The following COG5 variants were observed in gnomAD, a reference collection of about 807,000 sequenced individuals.
COG5 encodes the protein conserved oligomeric Golgi complex subunit 5.
Under a neutral mutation model 110.4 loss-of-function variants are expected in COG5, and 86 were observed. That is an observed-to-expected ratio of 0.78 (90% confidence interval 0.65 to 0.93). The LOEUF (loss-of-function observed/expected upper bound fraction) is 0.93. COG5 is among the 40% of genes least tolerant of loss of function. The pLI is 0.00. For synonymous variants in COG5, 360 were observed against 334.6 expected (o/e 1.08, Z -0.83); for missense variants, 1,077 against 987.0 (o/e 1.09, Z -1.22).
chr7:107,377,288 T>A (rs1814719942), intron 7 of COG5, among the ~76,000 whole-genome samples: 1 of 152,192 alleles, frequency 6.6e-6, no homozygotes, highest in South Asian at 2.1e-4. Context: ...CTTTTCCTAG[T>A]GTCATTTTTG....
intron 2 of COG5, among the ~76,000 whole-genome samples, chr7:107,555,302 G>A (rs2712189): frequency 0.28 from 42,419 of 152,060 alleles, 5,951 homozygotes; most frequent in East Asian, 0.33. Context: ...TTAGAATAAT[G>A]CAGGAATCCT....
chr7:107,480,524 C>G (rs1053118636), intron 6 of COG5, among the ~76,000 whole-genome samples: 1 of 151,894 alleles, frequency 6.6e-6, no homozygotes, highest in Non-Finnish European at 1.5e-5. Context: ...TAAAAGAACC[C>G]AGATGAGGCT....
chr7:107,442,464 G>T (rs1286552676), intron 6 of COG5, among the ~76,000 whole-genome samples: 1 of 150,450 alleles, frequency 6.6e-6, no homozygotes, highest in Non-Finnish European at 1.5e-5. Context: ...GGCTGTATGT[G>T]TCAGGAGTAA....
At chr7:107,340,921 C>A (rs534716421) in intron 10 of COG5, among the ~76,000 whole-genome samples, 84 of 152,234 alleles carry the variant, frequency 5.5e-4, no homozygotes, top group Middle Eastern at 3.4e-3. Flanking sequence ...CAGCCAACAT[C>A]ATACTGAATG....
At chr7:107,377,800 G>T (rs1301362917) in intron 7 of COG5, among the ~76,000 whole-genome samples, 1 of 152,208 alleles carries the variant, frequency 6.6e-6, no homozygotes, top group Non-Finnish European at 1.5e-5. Context: ...GCCCCAGTCA[G>T]GGGCTTATAG....
chr7:107,244,457 T>G (rs1366658409), intron 17 of COG5, among the ~76,000 whole-genome samples: 2 of 151,826 alleles, frequency 1.3e-5, no homozygotes, highest in African/African-American at 4.8e-5. Context: ...TAGCAGAAGA[T>G]GAGATGTAAC....
intron 7 of COG5, among the ~76,000 whole-genome samples, chr7:107,389,799 C>T (rs1057142103): frequency 6.6e-6 from 1 of 152,158 alleles, no homozygotes; most frequent in Non-Finnish European, 1.5e-5. Flanking sequence ...GTCCATGCCA[C>T]CCCCAAGACA....
At position 107,258,319 on chromosome 7, in the gene COG5, A is replaced by G. The variant is rs1277876845; in HGVS notation, c.1640T>C (p.Val547Ala). ...CTTATACAATGAATTCACTACTGCC[A>G]CATTTCTTCTCTGTCCTTCAGTAAG... is the stretch of plus-strand genomic sequence containing the variant. ...GPLTEGQRRN[V>A]AVVNSLYKLH... The change falls in exon 15 of 22, where the codon GTG becomes GCG. Residue 547 changes from valine to alanine, a missense_variant. Physicochemically the swap from Val to Ala is moderately conservative, Grantham distance 64. Coordinates refer to ENST00000297135, the MANE Select transcript of COG5 (RefSeq NM_006348.5). 1.2e-6 allele frequency: 2 copies of G among 1,613,358 alleles called. No homozygotes were observed. The highest frequency in any genetic ancestry group is 1.7e-4 in the Middle Eastern group (1 of 6,060).
chr7:107,458,222 C>T (rs1795782457), intron 6 of COG5, among the ~76,000 whole-genome samples: 1 of 152,318 alleles, frequency 6.6e-6, no homozygotes, highest in Admixed American at 6.5e-5. Flanking sequence ...CAACCCTGCA[C>T]TACAAAAGCT....
chr7:107,339,350 AT>A (rs1470207368), intron 10 of COG5, among the ~76,000 whole-genome samples: 2 of 152,136 alleles, frequency 1.3e-5, no homozygotes, highest in African/African-American at 4.8e-5. Flanking sequence ...TCCACCCAAC[AT>A]TGGGGCACAT....
At chr7:107,521,381 T>C (rs1369834512) in intron 6 of COG5, among the ~76,000 whole-genome samples, 1 of 152,146 alleles carries the variant, frequency 6.6e-6, no homozygotes, top group Non-Finnish European at 1.5e-5. Flanking sequence ...AAGAAAAATT[T>C]TGCAATCTAC....
intron 6 of COG5, among the ~76,000 whole-genome samples, chr7:107,453,494 A>G (rs982724947): frequency 8.5e-5 from 13 of 152,188 alleles, no homozygotes; most frequent in Non-Finnish European, 1.6e-4. Context: ...CTCAGCAAAT[A>G]AACAAGTTAC....
At chr7:107,522,595 T>A (rs989489436) in intron 6 of COG5, among the ~76,000 whole-genome samples, 5 of 151,292 alleles carry the variant, frequency 3.3e-5, no homozygotes, top group African/African-American at 1.2e-4. Flanking sequence ...TAAAGTAAAA[T>A]TAAAAATTTA....
intron 5 of COG5, among the ~76,000 whole-genome samples, chr7:107,533,906 C>T (rs1801389533): frequency 1.3e-5 from 2 of 151,488 alleles, no homozygotes; most frequent in South Asian, 4.1e-4. Context: ...ATGTTAAGAG[C>T]AGCCCAAGAG....
chr7:107,254,009 A>G (rs930497668), intron 16 of COG5, among the ~76,000 whole-genome samples: 1 of 152,182 alleles, frequency 6.6e-6, no homozygotes, highest in Non-Finnish European at 1.5e-5. Flanking sequence ...TCACTACAAT[A>G]AAAGCTCTAC....
chr7:107,282,147 T>C (rs1184094017), intron 13 of COG5, among the ~76,000 whole-genome samples: 3 of 152,148 alleles, frequency 2.0e-5, no homozygotes, highest in African/African-American at 7.2e-5. Context: ...CAGATTCTCT[T>C]TTTAAAGAAG....
chr7:107,513,912 A>T (rs10238362), intron 6 of COG5, among the ~76,000 whole-genome samples: 135 of 148,834 alleles, frequency 9.1e-4, no homozygotes, highest in African/African-American at 3.3e-3. Context: ...GTGGGGGAAG[A>T]GGGGAGGGAA....
At chr7:107,251,160 T>TA (rs1802476325) in intron 16 of COG5, among the ~76,000 whole-genome samples, 1 of 133,730 alleles carries the variant, frequency 7.5e-6, no homozygotes, top group African/African-American at 2.8e-5. Context: ...AAAGATTACA[T>TA]ACAAGGGAAC....
chr7:107,372,661 C>G lies in COG5; in HGVS notation c.769G>C (p.Glu257Gln). The G allele has an allele frequency of 6.2e-7, 1 of 1,613,572 alleles. No individual in the cohort carries two copies. The highest frequency in any genetic ancestry group is 8.5e-7 in the Non-Finnish European group (1 of 1,179,738). Residue 257 changes from glutamate (E) to glutamine (Q), a missense_variant, in exon 8 of 22, where the codon GAA becomes CAA. Transcript: ENST00000297135. ...TCTAATGCACTGTTGATATTTTCTT[C>G]TAAAGTAGCACAATATCCATCCACA... ...SVVDGYCATL[E>Q]ENINSALDIK... is the part of the protein sequence containing the mutation.
Sources: gnomAD v4.1 joint callset for allele counts (sites outside exome capture counted in the v4.1 genomes callset) on GRCh38, gnomAD v4.1.1 for gene constraint, MANE v1.5 for transcripts, NCBI Gene and HGNC (gene_info 2026-07-23, HGNC 2026-07-21) for gene names.